Variants in MEGF6 observed in about 807,000 individuals in gnomAD.
MEGF6 encodes multiple EGF like domains 6, also known as multiple epidermal growth factor-like domains protein 6.
MEGF6 carries 184 observed loss-of-function variants against 207.1 expected under a neutral mutation model. The observed-to-expected ratio is 0.89, with a 90% CI of 0.79 to 1.00. The LOEUF (loss-of-function observed/expected upper bound fraction) is 1.00. MEGF6 is among the 50% of genes least tolerant of loss of function. The probability of loss-of-function intolerance (pLI) is 0.00; values close to 1 mark genes in which losing one functional copy is unlikely to be tolerated. For synonymous variants in MEGF6, 1,038 were observed against 910.0 expected (o/e 1.14, Z -2.53); for missense variants, 2,282 against 2,202.9 (o/e 1.04, Z -0.72).
intron 2 of MEGF6, among the ~76,000 whole-genome samples, chr1:3,601,538 G>A (rs1054198684): frequency 7.9e-5 from 12 of 152,166 alleles, no homozygotes; most frequent in Admixed American, 3.3e-4. Flanking sequence ...GGGCCGGGTC[G>A]TCTGTTCGGG....
rs12072632 is a variant in MEGF6 at position 3,500,444 on chromosome 1, G to C, written c.2707+189C>G. 6.9e-3 allele frequency among the ~76,000 whole-genome samples: 1,047 copies of C among 152,354 alleles called. 5 individuals carry two copies. The highest frequency in any genetic ancestry group is 0.023 in the African/African-American group (959 of 41,596). On this transcript the variant is annotated intron_variant, in intron 21 of 36. Transcript: ENST00000356575. ...GAGGAAGCCAGGCCAGGGCCCAGCCGCAGTGCGCATGTGCGTGCCTGCACG... is the reference window on the plus strand; with the variant it reads ...GAGGAAGCCAGGCCAGGGCCCAGCCCCAGTGCGCATGTGCGTGCCTGCACG...
At chr1:3,554,561 AAAC>A (rs1642980975) in intron 4 of MEGF6, among the ~76,000 whole-genome samples, 2 of 152,186 alleles carry the variant, frequency 1.3e-5, no homozygotes, top group African/African-American at 4.8e-5. Context: ...CAGGTGGCTT[AAAC>A]AACAGAAGCC....
chr1:3,547,613 C>T (rs1318269325), intron 4 of MEGF6, among the ~76,000 whole-genome samples: 1 of 152,178 alleles, frequency 6.6e-6, no homozygotes, highest in African/African-American at 2.4e-5. Context: ...GCCCCAGGCC[C>T]CATCCTCCCT....
intron 4 of MEGF6, among the ~76,000 whole-genome samples, chr1:3,528,374 G>A (rs550039630): frequency 6.6e-6 from 1 of 152,244 alleles, no homozygotes; most frequent in Admixed American, 6.5e-5. Flanking sequence ...GGACCCCGCA[G>A]GTGCTGAGCC....
At chr1:3,501,612 C>T (rs967176983) in intron 18 of MEGF6, among the ~76,000 whole-genome samples, 184 bp downstream of exon 18, 2 of 152,102 alleles carry the variant, frequency 1.3e-5, no homozygotes, top group African/African-American at 4.8e-5. Context: ...CTGGAAGCCC[C>T]AGGAACTTGG....
In MEGF6 at chr1:3,523,675, C is replaced by G. The variant is rs374150109; in HGVS notation, c.604+449G>C. Among the ~76,000 whole-genome samples the G allele has an allele frequency of 2.1e-3, 326 of 152,320 alleles. 11 individuals are homozygous for G. In the South Asian group the frequency reaches 0.065, roughly 31 times the overall value. ...AGCCCCTGCCCTGACCAGGCCTCCTCGGCCAGCGTCCCCCACCACGTAGCA... is the reference window on the plus strand; with the variant it reads ...AGCCCCTGCCCTGACCAGGCCTCCTGGGCCAGCGTCCCCCACCACGTAGCA... On this transcript the variant is annotated intron_variant, in intron 5 of 36. Transcript: ENST00000356575.
At chr1:3,582,839 C>T (rs1024799025) in intron 3 of MEGF6, among the ~76,000 whole-genome samples, 1 of 152,198 alleles carries the variant, frequency 6.6e-6, no homozygotes, top group Non-Finnish European at 1.5e-5. Flanking sequence ...CAGCGCCCCG[C>T]TCTTGCCCCC....
At chr1:3,567,653 C>T (rs1229357846) in intron 4 of MEGF6, among the ~76,000 whole-genome samples, 8 of 152,208 alleles carry the variant, frequency 5.3e-5, no homozygotes, top group African/African-American at 1.9e-4. Flanking sequence ...GGCCATCACA[C>T]CGTGGGCCCT....
intron 4 of MEGF6, among the ~76,000 whole-genome samples, chr1:3,557,920 A>T (rs998578870): frequency 6.6e-6 from 1 of 152,190 alleles, no homozygotes. Context: ...GGAAACAAAC[A>T]TCGAAAGCTC....
chr1:3,526,038 A>G (rs886477621), intron 4 of MEGF6, among the ~76,000 whole-genome samples: 2 of 152,210 alleles, frequency 1.3e-5, no homozygotes, highest in Non-Finnish European at 2.9e-5. Flanking sequence ...CACCCGGCAC[A>G]CAGGGGCTCT....
the MEGF6 span, among the ~76,000 whole-genome samples, chr1:3,621,059 G>C: frequency 6.6e-6 from 1 of 152,234 alleles, no homozygotes; most frequent in African/African-American, 2.4e-5. Flanking sequence ...GTACAGGATG[G>C]AACATGAAAG....
chr1:3,523,457 C>G (rs551327621), intron 5 of MEGF6, among the ~76,000 whole-genome samples: 1 of 152,102 alleles, frequency 6.6e-6, no homozygotes, highest in Non-Finnish European at 1.5e-5. Context: ...GGCCACAGTC[C>G]GTGTCCGCGA....
chr1:3,498,536 T>C, intron 25 of MEGF6, 37 bp from the exon 26 acceptor site: 1 of 1,530,528 alleles, frequency 6.5e-7, no homozygotes, highest in Non-Finnish European at 8.8e-7. Context: ...GTGAGGGTCC[T>C]GCCTCCTGGG....
intron 4 of MEGF6, among the ~76,000 whole-genome samples, chr1:3,551,213 C>T (rs1642874493): frequency 6.6e-6 from 1 of 152,214 alleles, no homozygotes; most frequent in African/African-American, 2.4e-5. Context: ...CCGCCCCATG[C>T]AGGTGACAAA....
At chr1:3,581,943 C>T (rs1643807817) in intron 3 of MEGF6, among the ~76,000 whole-genome samples, 1 of 152,166 alleles carries the variant, frequency 6.6e-6, no homozygotes. Context: ...CCCTGCCCTC[C>T]CAGGAAGCAT....
rs753465086 is a variant in MEGF6, at chr1:3,497,325, T to C, written c.3389A>G (p.Gln1130Arg). 9.7e-6 allele frequency: 15 copies of C among 1,553,348 alleles called. No individual in the cohort carries two copies. The South Asian group carries it at 1.5e-4, about 15-fold the overall frequency. The part of the protein sequence containing the change: ...LRGWFGEACA[Q>R]RCSCPPGAAC... ...AGCGCCAGGCGGGCAGCTGCAGCGC[T>C]GGGCACAGGCCTCTCCAAACCAGCC... The change falls in exon 27 of 37, where the codon CAG becomes CGG. Residue 1130 changes from glutamine to arginine, a missense_variant. Transcript: ENST00000356575.
chr1:3,580,193 G>A (rs928496348), intron 3 of MEGF6, among the ~76,000 whole-genome samples: 2 of 151,758 alleles, frequency 1.3e-5, no homozygotes, highest in Non-Finnish European at 1.5e-5. Flanking sequence ...TAGATGGGGA[G>A]GAGCCAAGGG....
At chr1:3,548,735 C>T (rs1254978969) in intron 4 of MEGF6, among the ~76,000 whole-genome samples, 1 of 152,128 alleles carries the variant, frequency 6.6e-6, no homozygotes, top group African/African-American at 2.4e-5. Flanking sequence ...ACAGCTGGGT[C>T]CCCAGCTTCC....
intron 4 of MEGF6, among the ~76,000 whole-genome samples, chr1:3,528,568 C>T (rs923408855): frequency 2.6e-4 from 39 of 152,270 alleles, no homozygotes; most frequent in African/African-American, 7.7e-4. Flanking sequence ...GGGAGGTTAT[C>T]CTGGCATATC....
Sources: gnomAD v4.1 joint callset for allele counts (sites outside exome capture counted in the v4.1 genomes callset) on GRCh38, gnomAD v4.1.1 for gene constraint, MANE v1.5 for transcripts, NCBI Gene and HGNC (gene_info 2026-07-23, HGNC 2026-07-21) for gene names.